The following VGLL4 variants were observed in gnomAD, a reference collection of about 807,000 sequenced individuals.
VGLL4 encodes the protein transcription cofactor vestigial-like protein 4.
Under a neutral mutation model 21.0 loss-of-function variants are expected in VGLL4, and 7 were observed. The ratio of observed to expected loss-of-function variants is 0.33; its 90% CI spans 0.19 to 0.63. The LOEUF (loss-of-function observed/expected upper bound fraction) is 0.63. Among genes scored for constraint, VGLL4 ranks in the 20% least tolerant of loss-of-function variants. The pLI, the probability that VGLL4 is intolerant of heterozygous loss-of-function variation, is 0.78. For missense variants in VGLL4, 394 were observed against 425.7 expected (o/e 0.93, Z 0.66); for synonymous variants, 222 against 173.2 (o/e 1.28, Z -2.21).
intron 2 of VGLL4, among the ~76,000 whole-genome samples, chr3:11,698,369 C>T (rs370528481): frequency 4.6e-5 from 7 of 152,124 alleles, no homozygotes; most frequent in South Asian, 4.1e-4. Context: ...ATTAGCTGGG[C>T]GTGGTGACAC....
intron 1 of VGLL4, chr3:11,703,087 A>G (rs2076706687): frequency 6.5e-7 from 1 of 1,529,478 alleles, no homozygotes; most frequent in Admixed American, 1.9e-5. Context: ...TAATTTAAAC[A>G]GAATTCAAAA....
chr3:11,650,549 C>T (rs767312837), intron 2 of VGLL4, among the ~76,000 whole-genome samples: 1 of 152,214 alleles, frequency 6.6e-6, no homozygotes, highest in Non-Finnish European at 1.5e-5. Context: ...TTAAGTCTAA[C>T]ATAACATCTC....
At chr3:11,628,820 A>G (rs1462492788) in intron 1 of VGLL4, among the ~76,000 whole-genome samples, 14 of 152,208 alleles carry the variant, frequency 9.2e-5, no homozygotes, top group Admixed American at 9.2e-4. Context: ...ACTCTGTCTC[A>G]AACAAAAACA....
rs1279284983 is a variant in VGLL4 at position 11,643,365 on chromosome 3, C to T, written c.82+72G>A. The stretch of plus-strand genomic sequence containing the variant: ...AGGAGGACAGCGGGCGCTTAGAAGG[C>T]AGGCACCCAGCACACTGAGGAGGAG... On this transcript the variant is annotated intron_variant, in intron 1 of 4. Transcript: ENST00000430365. The T allele has an allele frequency of 3.2e-5, 52 of 1,610,682 alleles. No individual in the cohort carries two copies. In the Admixed American group the frequency reaches 8.4e-4, roughly 26 times the overall value.
chr3:11,699,738 G>A (rs1285597599), intron 2 of VGLL4: 2 of 152,160 alleles, frequency 1.3e-5, no homozygotes, highest in Non-Finnish European at 2.9e-5. Context: ...ACTTGAGCCT[G>A]GGAGGCAGAG....
rs187448984 is a variant in VGLL4 at position 11,565,379 on chromosome 3, C to T, written c.273-360G>A. On this transcript the variant is annotated intron_variant, in intron 2 of 4. Coordinates refer to ENST00000430365, the MANE Select transcript of VGLL4 (RefSeq NM_001128219.3). This position sits in a 1 kb window ranked among gnomAD's most constrained non-coding sequence, Gnocchi z 4.1. Reference sequence around the variant, plus strand: ...ATAAGGACCTGCCATTTGGACAGGACGGGGACGCTGACAACGATCCAGAGT... The same window carrying T: ...ATAAGGACCTGCCATTTGGACAGGATGGGGACGCTGACAACGATCCAGAGT... Among the ~76,000 whole-genome samples, 13 of 152,226 alleles carry T rather than the reference C, an allele frequency of 8.5e-5. No individual in the cohort carries two copies. The highest frequency in any genetic ancestry group is 6.2e-4 in the South Asian group (3 of 4,828).
At chr3:11,680,789 T>C (rs566894182) in intron 2 of VGLL4, among the ~76,000 whole-genome samples, 25 of 152,356 alleles carry the variant, frequency 1.6e-4, no homozygotes, top group Middle Eastern at 3.4e-3. Flanking sequence ...ACCGACTTGC[T>C]GTGAGACCAC....
chr3:11,571,919 A>G (rs112085148), intron 2 of VGLL4, among the ~76,000 whole-genome samples: 11,659 of 152,136 alleles, frequency 0.077, 943 homozygotes, highest in African/African-American at 0.2. Context: ...CCAGCCTGGG[A>G]AACATGGCAA....
intron 2 of VGLL4, chr3:11,582,157 G>GACT (rs1257201075): frequency 2.1e-5 from 23 of 1,111,460 alleles, no homozygotes; most frequent in Non-Finnish European, 2.8e-5. Context: ...TCTAAGCAAA[G>GACT]ACTACTCTAC....
chr3:11,710,162 T>A (rs2076820564), intron 1 of VGLL4, among the ~76,000 whole-genome samples: 1 of 152,170 alleles, frequency 6.6e-6, no homozygotes, highest in African/African-American at 2.4e-5. Flanking sequence ...TCATGAGGGA[T>A]CGCTCCCATG....
In VGLL4 at chr3:11,556,085, T is replaced by TATTA. The variant is rs1446331240; in HGVS notation, c.*2467_*2470dup. On this transcript the variant is annotated 3_prime_UTR_variant, in exon 5 of 5. Coordinates refer to ENST00000430365, the MANE Select transcript of VGLL4 (RefSeq NM_001128219.3). ...TACACTATGTGGTTTAAGAGCACTT[T>TATTA]ATTATTGTTCTTAAGGCTACTTTTA... 1 of 152,696 alleles carries TATTA rather than the reference T, an allele frequency of 6.5e-6. No individual in the cohort carries two copies. The highest frequency in any genetic ancestry group is 6.5e-5 in the Admixed American group (1 of 15,280). The allele number at this position is 152,696 out of a possible 1,614,324, so 9.5% of individuals were successfully genotyped here.
chr3:11,674,113 AAG>A (rs1334821596), intron 2 of VGLL4, among the ~76,000 whole-genome samples: 2 of 152,126 alleles, frequency 1.3e-5, no homozygotes, highest in Non-Finnish European at 2.9e-5. Flanking sequence ...CAAAACCCTG[AAG>A]AAAAATCTAC....
intron 2 of VGLL4, among the ~76,000 whole-genome samples, chr3:11,700,709 C>T (rs1270416884): frequency 1.3e-5 from 2 of 152,108 alleles, no homozygotes; most frequent in African/African-American, 2.4e-5. Context: ...AAGACATCCC[C>T]GACACAGGAT....
At chr3:11,669,440 T>C (rs2076173442) in intron 2 of VGLL4, among the ~76,000 whole-genome samples, 1 of 152,198 alleles carries the variant, frequency 6.6e-6, no homozygotes, top group Non-Finnish European at 1.5e-5. Flanking sequence ...ATGATATTCA[T>C]TTAAATAGTG....
At chr3:11,701,068 C>A (rs1020259036) in intron 2 of VGLL4, among the ~76,000 whole-genome samples, 1 of 151,980 alleles carries the variant, frequency 6.6e-6, no homozygotes, top group Non-Finnish European at 1.5e-5. Context: ...AAGACACAGA[C>A]GCATGATGAT....
intron 2 of VGLL4, among the ~76,000 whole-genome samples, chr3:11,665,456 CA>C (rs1477661934): frequency 2.0e-5 from 3 of 152,206 alleles, no homozygotes; most frequent in African/African-American, 4.8e-5. Context: ...ATTGAAATCC[CA>C]ACATGCCTTC....
At chr3:11,703,387 GT>G (rs2076710779) in intron 1 of VGLL4, among the ~76,000 whole-genome samples, 1 of 152,148 alleles carries the variant, frequency 6.6e-6, no homozygotes, top group Non-Finnish European at 1.5e-5. Flanking sequence ...TAAAAGAAAG[GT>G]TTTCAGAACA....
At position 11,663,755 on chromosome 3, in the gene VGLL4, A is replaced by C. The variant is rs140482784; in HGVS notation, c.64+39216T>G. ...TAAAATAAAATAAAGAAAGAATTTT[A>C]TTGCTGTACACACTGAAGGGTTTGG... is the stretch of plus-strand genomic sequence containing the variant. On this transcript the variant is annotated intron_variant, in intron 2 of 5. Transcript: ENST00000273038. Among the ~76,000 whole-genome samples, 1,140 of 152,252 alleles carry C rather than the reference A, an allele frequency of 7.5e-3. 10 individuals are homozygous for C. The highest frequency in any genetic ancestry group is 0.025 in the African/African-American group (1,051 of 41,542).
At chr3:11,579,843 G>C (rs939110774) in intron 2 of VGLL4, among the ~76,000 whole-genome samples, 1 of 152,018 alleles carries the variant, frequency 6.6e-6, no homozygotes, top group Non-Finnish European at 1.5e-5. Context: ...CATCACATCT[G>C]TCGATTATTA....
Sources: gnomAD v4.1 joint callset for allele counts (sites outside exome capture counted in the v4.1 genomes callset) on GRCh38, gnomAD v4.1.1 for gene constraint, Gnocchi (gnomAD v3.1) non-coding constraint, MANE v1.5 for transcripts, NCBI Gene and HGNC (gene_info 2026-07-23, HGNC 2026-07-21) for gene names.